Variants in TLK1 observed in about 807,000 individuals in gnomAD.
TLK1 encodes the protein tousled like kinase 1.
In TLK1, 24 loss-of-function variants were observed where a neutral mutation model predicts 105.3. The ratio of observed to expected loss-of-function variants is 0.23; its 90% confidence interval spans 0.17 to 0.32. TLK1 has a LOEUF of 0.32. TLK1 is among the 10% of genes least tolerant of loss of function. The pLI, the probability that TLK1 is intolerant of heterozygous loss-of-function variation, is 1.00. For missense variants in TLK1, 558 were observed against 910.5 expected (o/e 0.61, Z 4.98); for synonymous variants, 321 against 310.4 (o/e 1.03, Z -0.36).
intron 1 of TLK1, among the ~76,000 whole-genome samples, chr2:171,212,921 T>C (rs1453022190): frequency 6.6e-6 from 1 of 151,988 alleles, no homozygotes; most frequent in Non-Finnish European, 1.5e-5. Flanking sequence ...AAGCAAAATG[T>C]ATTTAACATG....
At chr2:171,060,125 C>T in intron 4 of TLK1, 2 of 1,374,974 alleles carry the variant, frequency 1.5e-6, no homozygotes, top group Non-Finnish European at 1.9e-6. Flanking sequence ...ATTTAGGCAA[C>T]CATCCTAAAA....
intron 1 of TLK1, among the ~76,000 whole-genome samples, chr2:171,169,137 A>G (rs1032520711): frequency 6.6e-6 from 1 of 152,168 alleles, no homozygotes; most frequent in African/African-American, 2.4e-5. Flanking sequence ...TCTATCTGGA[A>G]GAAACAATCT....
chr2:171,142,326 T>G (rs968990037), intron 1 of TLK1, among the ~76,000 whole-genome samples: 3 of 152,200 alleles, frequency 2.0e-5, no homozygotes, highest in Non-Finnish European at 2.9e-5. Context: ...TAAATGTAAA[T>G]GTACTACATG....
intron 14 of TLK1, 87 bp downstream of exon 14, chr2:171,011,286 G>C: frequency 8.6e-7 from 1 of 1,164,868 alleles, no homozygotes; most frequent in Non-Finnish European, 1.2e-6. Flanking sequence ...GAGCCACCAT[G>C]CCCAGACAAC....
chr2:170,993,682 A>AAAG lies in TLK1; in HGVS notation c.*97_*98insCTT, dbSNP rs1553602264. 11 of 952,400 alleles carry AAAG rather than the reference A, an allele frequency of 1.2e-5. No homozygotes were observed. The East Asian group carries it at 2.1e-4, about 18-fold the overall frequency. The allele number at this position is 952,400 out of a possible 1,614,324, so 59.0% of individuals were successfully genotyped here. A position where few individuals can be genotyped will look rare whatever the true frequency, so the allele number is the denominator to read the frequency against. ...CACGTCTTGTGTAAAAAAAAAAAAA[A>AAAG]AAAAAAAAGAAAAAGAAAACAAACA... On this transcript the variant is annotated 3_prime_UTR_variant, in exon 21 of 21. Coordinates refer to ENST00000431350, the MANE Select transcript of TLK1 (RefSeq NM_012290.5).
At chr2:171,133,758 ATTT>A (rs552762859) in intron 1 of TLK1, among the ~76,000 whole-genome samples, 2 of 144,424 alleles carry the variant, frequency 1.4e-5, no homozygotes, top group African/African-American at 2.6e-5. Flanking sequence ...CAGACTTCTG[ATTT>A]TTTTTTTTTT....
intron 2 of TLK1, among the ~76,000 whole-genome samples, chr2:171,084,104 TCAA>T (rs1383612142): frequency 6.6e-6 from 1 of 151,564 alleles, no homozygotes; most frequent in Non-Finnish European, 1.5e-5. Context: ...TGGAAACAAG[TCAA>T]CAACAACCAT....
intron 3 of TLK1, chr2:171,066,945 A>AC: frequency 6.5e-7 from 1 of 1,543,828 alleles, no homozygotes; most frequent in Non-Finnish European, 8.7e-7. Flanking sequence ...TTATTCTGGA[A>AC]ATGTTGGCAT....
At chr2:171,049,502 T>C (rs1485441089) in intron 10 of TLK1, among the ~76,000 whole-genome samples, 2 of 152,030 alleles carry the variant, frequency 1.3e-5, no homozygotes, top group African/African-American at 4.8e-5. Context: ...CACACACAAA[T>C]CTTCCAGTGA....
At chr2:171,143,043 T>C (rs1018726787) in intron 1 of TLK1, among the ~76,000 whole-genome samples, 1 of 152,042 alleles carries the variant, frequency 6.6e-6, no homozygotes, top group African/African-American at 2.4e-5. Context: ...ATGCCACTAC[T>C]CCAGCCTGCG....
At chr2:171,197,083 T>C (rs982213631) in intron 1 of TLK1, among the ~76,000 whole-genome samples, 26 of 152,106 alleles carry the variant, frequency 1.7e-4, no homozygotes, top group Admixed American at 8.5e-4. Context: ...AAAAAAATAC[T>C]CAGTAGCAAA....
Position 171,160,296 on chromosome 2 carries a change from T to C in TLK1, c.133A>G (p.Arg45Gly), listed in dbSNP as rs749694835. The change falls in exon 1 of 21, where the codon AGG (arginine) becomes GGG (glycine). Residue 45 changes from arginine to glycine, a missense_variant. By Grantham distance (125) the Arg-to-Gly change is moderately radical (BLOSUM62 -2). Transcript: ENST00000431350. The surrounding 1 kb of genome is among the most constrained non-coding windows in gnomAD (Gnocchi z 4.4). ...LNHTPPSGRP[R>G]EGAMDELHSL... is the part of the protein sequence containing the mutation. ...CGGGCGCGGCGGTGCTTACCTTCCC[T>C]GGGCCTCCCGGATGGCGGCGTGTGA... The C allele has an allele frequency of 1.3e-5, 20 of 1,581,518 alleles. No homozygotes were observed. The highest frequency in any genetic ancestry group is 2.5e-5 in the East Asian group (1 of 40,246).
intron 2 of TLK1, among the ~76,000 whole-genome samples, chr2:171,111,404 C>T (rs1690157853): frequency 6.6e-6 from 1 of 151,834 alleles, no homozygotes; most frequent in Non-Finnish European, 1.5e-5. Flanking sequence ...AACCTGGTCT[C>T]CACAAAAAAA....
At chr2:171,056,398 C>A in intron 6 of TLK1, 73 bp downstream of exon 6, 2 of 1,237,100 alleles carry the variant, frequency 1.6e-6, no homozygotes, top group Non-Finnish European at 1.1e-6. Context: ...TAAAAAACAA[C>A]AAATTATAAA....
chr2:171,231,203 C>T (rs1693989226), exon 1 of TLK1: 1 of 152,164 alleles, frequency 6.6e-6, no homozygotes, highest in Admixed American at 6.5e-5. Context: ...TTCCTGGAGG[C>T]TCAGAGGGAG....
At chr2:171,203,241 C>T (rs1469438540) in intron 1 of TLK1, among the ~76,000 whole-genome samples, 1 of 152,022 alleles carries the variant, frequency 6.6e-6, no homozygotes, top group Non-Finnish European at 1.5e-5. Flanking sequence ...TTATGGTATA[C>T]AAAATGTATA....
At chr2:171,179,526 TTCCTTTTATG>T (rs1692890164) in intron 1 of TLK1, among the ~76,000 whole-genome samples, 1 of 152,232 alleles carries the variant, frequency 6.6e-6, no homozygotes, top group East Asian at 1.9e-4. Flanking sequence ...GCTCCTTATA[TTCCTTTTATG>T]AGAAGAGAAG....
At chr2:171,203,897 C>T (rs1333580342) in intron 1 of TLK1, among the ~76,000 whole-genome samples, 2 of 151,810 alleles carry the variant, frequency 1.3e-5, no homozygotes, top group Non-Finnish European at 2.9e-5. Flanking sequence ...TAAAAAAATA[C>T]AAAAATTTGC....
chr2:171,038,308 ATG>A (rs1262884594), intron 11 of TLK1, among the ~76,000 whole-genome samples: 2 of 152,040 alleles, frequency 1.3e-5, no homozygotes, highest in East Asian at 1.9e-4. Context: ...TCTGTATTGT[ATG>A]TGTGTTTCCT....
Sources: allele counts gnomAD v4.1 joint callset (sites outside exome capture counted in the v4.1 genomes callset), GRCh38; gene constraint gnomAD v4.1.1; non-coding constraint Gnocchi (gnomAD v3.1); transcripts MANE v1.5; gene names NCBI Gene and HGNC (gene_info 2026-07-23, HGNC 2026-07-21).